NT5DC1: variants seen among roughly 807,000 people sequenced by gnomAD.
NT5DC1 encodes the protein 5'-nucleotidase domain containing 1, also known as 5'-nucleotidase domain-containing protein 1.
NT5DC1 carries 42 observed loss-of-function variants against 59.4 expected under a neutral mutation model. The observed-to-expected ratio is 0.71, with a 90% CI of 0.55 to 0.92. The LOEUF (loss-of-function observed/expected upper bound fraction) is 0.92, where lower values mean the gene tolerates loss of function less well. Among genes scored for constraint, NT5DC1 ranks in the 40% least tolerant of loss-of-function variants. The pLI, the probability that NT5DC1 is intolerant of heterozygous loss-of-function variation, is 0.00. For missense variants in NT5DC1, 501 were observed against 537.1 expected, an observed-to-expected ratio of 0.93 and a Z score of 0.66; for synonymous variants, 172 against 188.1, an observed-to-expected ratio of 0.91 and a Z score of 0.70.
At position 116,112,970 on chromosome 6, in the gene NT5DC1, G is replaced by A. The variant is rs1582806839; in HGVS notation, c.364+2014G>A. Among the ~76,000 whole-genome samples, 3 of 152,334 alleles carry A rather than the reference G, an allele frequency of 2.0e-5. No individual in the cohort carries two copies. In the South Asian group the frequency reaches 6.2e-4, roughly 32 times the overall value. On this transcript the variant is annotated intron_variant, in intron 4 of 11. Transcript: ENST00000319550. Reference sequence around the variant, plus strand: ...ACATTTAGGAAATTTAAAGCACTGAGGGATGTAGAGATGTTTGATGACAAC... The same window carrying A: ...ACATTTAGGAAATTTAAAGCACTGAAGGATGTAGAGATGTTTGATGACAAC...
intron 2 of NT5DC1, among the ~76,000 whole-genome samples, chr6:116,106,594 A>G (rs866235558): frequency 7.9e-5 from 12 of 152,232 alleles, no homozygotes; most frequent in African/African-American, 2.9e-4. Flanking sequence ...ATATTTTCAT[A>G]TAGTTTAAGT....
At chr6:116,156,827 G>A (rs1024865855) in intron 6 of NT5DC1, among the ~76,000 whole-genome samples, 2 of 152,008 alleles carry the variant, frequency 1.3e-5, no homozygotes, top group Non-Finnish European at 2.9e-5. Flanking sequence ...TGTGCTTCAC[G>A]TCCTCTCCCC....
At chr6:116,158,996 T>G (rs1233611774) in intron 6 of NT5DC1, among the ~76,000 whole-genome samples, 7 of 152,164 alleles carry the variant, frequency 4.6e-5, no homozygotes, top group African/African-American at 1.7e-4. Context: ...AATGCTTGCA[T>G]TAGAATAGCT....
intron 6 of NT5DC1, among the ~76,000 whole-genome samples, chr6:116,181,394 A>G (rs1331637206): frequency 6.6e-6 from 1 of 152,136 alleles, no homozygotes; most frequent in Non-Finnish European, 1.5e-5. Context: ...AATTTATGAT[A>G]TTAGCAAATA....
Position 116,239,167 on chromosome 6 carries a change from A to G in NT5DC1, c.1252+44A>G, listed in dbSNP as rs1254330208. ...ATAAAGCTTCACCTGTTACTAGACA[A>G]TAATGACCAGTACTAGAATTCTTGT... On this transcript the variant is annotated intron_variant, in intron 11 of 11. Transcript: ENST00000319550. 10 of 1,328,334 alleles carry G rather than the reference A, an allele frequency of 7.5e-6. No individual in the cohort carries two copies. The East Asian group carries it at 1.6e-4, about 21-fold the overall frequency. The allele number at this position is 1,328,334 out of a possible 1,614,324, so 82.3% of individuals were successfully genotyped here. A position where few individuals can be genotyped will look rare whatever the true frequency, so the allele number is the denominator to read the frequency against.
At chr6:116,151,844 T>A (rs1780049339) in intron 6 of NT5DC1, among the ~76,000 whole-genome samples, 2 of 152,224 alleles carry the variant, frequency 1.3e-5, no homozygotes, top group Non-Finnish European at 2.9e-5. Flanking sequence ...TTTATTGAGA[T>A]ATTAATAAAC....
intron 6 of NT5DC1, among the ~76,000 whole-genome samples, chr6:116,182,222 A>AGAGAGTGTGTGTGTGTGTGTGTGT (rs148509481): frequency 2.4e-5 from 3 of 124,606 alleles, no homozygotes; most frequent in Non-Finnish European, 5.1e-5. Context: ...TTCCATGGAG[A>AGAGAGTGTGTGTGTGTGTGTGTGT]GTGTGTGTGT....
At chr6:116,142,696 G>A (rs927297477) in intron 6 of NT5DC1, among the ~76,000 whole-genome samples, 4 of 152,154 alleles carry the variant, frequency 2.6e-5, no homozygotes, top group East Asian at 1.9e-4. Flanking sequence ...AGGAAGCAGT[G>A]AAATATATTA....
At chr6:116,193,250 C>T (rs1781157029) in intron 6 of NT5DC1, among the ~76,000 whole-genome samples, 1 of 151,928 alleles carries the variant, frequency 6.6e-6, no homozygotes, top group South Asian at 2.1e-4. Flanking sequence ...CCATAGTATC[C>T]AGTAATAAAT....
intron 6 of NT5DC1, among the ~76,000 whole-genome samples, chr6:116,213,129 A>T (rs570018740): frequency 7.2e-5 from 11 of 152,172 alleles, no homozygotes; most frequent in Admixed American, 7.2e-4. Flanking sequence ...AACACACAAA[A>T]CTCAGTATCA....
At chr6:116,157,515 A>G (rs1268391286) in intron 6 of NT5DC1, among the ~76,000 whole-genome samples, 1 of 152,204 alleles carries the variant, frequency 6.6e-6, no homozygotes, top group African/African-American at 2.4e-5. Flanking sequence ...TAAATTAGAA[A>G]AATATTAACA....
chr6:116,182,581 G>A (rs114843166), intron 6 of NT5DC1, among the ~76,000 whole-genome samples: 3,975 of 151,626 alleles, frequency 0.026, 159 homozygotes, highest in African/African-American at 0.09. Flanking sequence ...GGCCATTGTC[G>A]CAGGAGTAAG....
chr6:116,195,516 GGGATTCCAATGAT>G (rs2114499600), intron 6 of NT5DC1, among the ~76,000 whole-genome samples: 1 of 151,876 alleles, frequency 6.6e-6, no homozygotes, highest in East Asian at 1.9e-4. Context: ...GTTCAATACA[GGGATTCCAATGAT>G]AATCCATATA....
intron 6 of NT5DC1, among the ~76,000 whole-genome samples, chr6:116,143,842 A>G (rs1213633303): frequency 6.6e-6 from 1 of 152,180 alleles, no homozygotes; most frequent in Non-Finnish European, 1.5e-5. Context: ...TTATTGCAAC[A>G]TTGTCAAGTT....
intron 6 of NT5DC1, among the ~76,000 whole-genome samples, chr6:116,179,450 AC>A (rs753574435): frequency 4.1e-4 from 62 of 152,248 alleles, no homozygotes; most frequent in Middle Eastern, 3.4e-3. Context: ...CAGAAAAAAA[AC>A]AATCCTATCA....
chr6:116,123,437 ACTTC>A lies in NT5DC1; in HGVS notation c.529+5497_529+5500del, dbSNP rs528949014. The stretch of plus-strand genomic sequence containing the variant: ...GCACAATCCTCAAGGTAAAACGACT[ACTTC>A]CTTCTATTAAGTTTTTTAAATGCCA... On this transcript the variant is annotated intron_variant, in intron 6 of 11. Transcript: ENST00000319550. Among the ~76,000 whole-genome samples the A allele has an allele frequency of 3.0e-3, 464 of 152,310 alleles. 2 individuals carry two copies. Among genetic ancestry groups the A allele is most frequent in the Non-Finnish European group, 4.8e-3 (326 of 68,026 alleles).
chr6:116,121,793 G>C lies in NT5DC1; in HGVS notation c.529+3848G>C, dbSNP rs756683554. 6 of 1,613,622 alleles carry C rather than the reference G, an allele frequency of 3.7e-6. No homozygotes were observed. In the African/African-American group the frequency reaches 8.0e-5, roughly 22 times the overall value. ...TTTTCCTGGGAGTCCTGGCACACCTGGTTTCCCTACAGCTGATGGTCCCGG... is the reference window on the plus strand; with the variant it reads ...TTTTCCTGGGAGTCCTGGCACACCTCGTTTCCCTACAGCTGATGGTCCCGG... On this transcript the variant is annotated intron_variant, in intron 6 of 11. Transcript: ENST00000319550.
At chr6:116,103,870 C>T (rs1778712173) in intron 1 of NT5DC1, among the ~76,000 whole-genome samples, 1 of 151,932 alleles carries the variant, frequency 6.6e-6, no homozygotes, top group Non-Finnish European at 1.5e-5. Flanking sequence ...AGAGTGGGGT[C>T]CCAAATATTG....
In NT5DC1 at chr6:116,245,544, G is replaced by A. The variant is rs1445160357; in HGVS notation, c.*1520G>A. The stretch of plus-strand genomic sequence containing the variant: ...TGATATTTAACAATAAGTATATGGT[G>A]ATATACTTGAAATTTATGTCCAGAA... On this transcript the variant is annotated 3_prime_UTR_variant, in exon 12 of 12. Transcript: ENST00000319550. 1 of 152,338 alleles carries A rather than the reference G, an allele frequency of 6.6e-6. No homozygotes were observed. Among genetic ancestry groups the A allele is most frequent in the Non-Finnish European group, 1.5e-5 (1 of 67,992 alleles). 9.4% of individuals were successfully genotyped at this position (152,338 alleles called of 1,614,324 possible).
Sources: allele counts gnomAD v4.1 joint callset (sites outside exome capture counted in the v4.1 genomes callset), GRCh38; gene constraint gnomAD v4.1.1; transcripts MANE v1.5; gene names NCBI Gene and HGNC (gene_info 2026-07-23, HGNC 2026-07-21).